Variants in LPCAT1 observed in about 807,000 individuals in gnomAD.
The protein encoded by LPCAT1 is 1-acylglycerol-3-phosphate O-acyltransferase.
Under a neutral mutation model 60.9 loss-of-function variants are expected in LPCAT1, and 23 were observed. That is an observed-to-expected ratio of 0.38 (90% CI 0.27 to 0.53). The LOEUF (loss-of-function observed/expected upper bound fraction) is 0.53. Among genes scored for constraint, LPCAT1 ranks in the 20% least tolerant of loss-of-function variants. The pLI, the probability that LPCAT1 is intolerant of heterozygous loss-of-function variation, is 0.82. For missense variants in LPCAT1, 622 were observed against 723.6 expected, an observed-to-expected ratio of 0.86 and a Z score of 1.61; for synonymous variants, 340 against 301.1, an observed-to-expected ratio of 1.13 and a Z score of -1.34.
chr5:1,498,457 A>G (rs1343906605), intron 2 of LPCAT1, among the ~76,000 whole-genome samples: 3 of 152,166 alleles, frequency 2.0e-5, no homozygotes, highest in Non-Finnish European at 4.4e-5. Context: ...AGTGCCCACA[A>G]GCATCCGTGC....
intron 11 of LPCAT1, among the ~76,000 whole-genome samples, chr5:1,471,188 C>T (rs533040893): frequency 6.6e-5 from 10 of 152,332 alleles, no homozygotes; most frequent in East Asian, 3.9e-4. Flanking sequence ...GCAAAGCACA[C>T]GCGATGCAAT....
At position 1,477,109 on chromosome 5, in the gene LPCAT1, C is replaced by T. The variant is rs117308938; in HGVS notation, c.899+295G>A. Among the ~76,000 whole-genome samples, 546 of 152,328 alleles carry T rather than the reference C, an allele frequency of 3.6e-3. 6 individuals are homozygous for T. Among genetic ancestry groups the T allele is most frequent in the South Asian group, 0.03 (143 of 4,832 alleles). ...GAAGTTGGCCCAGGCCAGCGCCCCG[C>T]TGGCTCATTTAGGGCACAGGAAACA... On this transcript the variant is annotated intron_variant, in intron 9 of 13. Transcript: ENST00000283415. This position sits in a 1 kb window ranked among gnomAD's most constrained non-coding sequence, Gnocchi z 6.0.
rs1271046874 is a variant in LPCAT1, at chr5:1,501,478, G to A, written c.261C>T (p.Pro87=). Residue 87 remains proline (P), a synonymous_variant, in exon 2 of 14, where the codon CCC becomes CCT. Transcript: ENST00000283415. Reference sequence around the variant, plus strand: ...CAACTTACTTCCTCCACAGGGCCGGGGGCTGCTCGGGTTCCTTCTCCGCAG... The same window carrying A: ...CAACTTACTTCCTCCACAGGGCCGGAGGCTGCTCGGGTTCCTTCTCCGCAG... ...LGSAEKEPEQ[P]PALWRKVVDF... 3.1e-6 allele frequency: 5 copies of A among 1,612,874 alleles called. No homozygotes were observed. The highest frequency in any genetic ancestry group is 1.1e-5 in the South Asian group (1 of 91,028).
intron 1 of LPCAT1, among the ~76,000 whole-genome samples, chr5:1,505,509 A>G (rs1736154980): frequency 6.6e-6 from 1 of 152,246 alleles, no homozygotes; most frequent in Non-Finnish European, 1.5e-5. Context: ...CCCATCCCCA[A>G]ACAACACGGG....
At chr5:1,508,397 G>A (rs1175315564) in intron 1 of LPCAT1, among the ~76,000 whole-genome samples, 4 of 152,148 alleles carry the variant, frequency 2.6e-5, no homozygotes, top group African/African-American at 9.7e-5. Flanking sequence ...GAGAGGTGAC[G>A]AAGGTAAAAT....
chr5:1,498,181 C>T (rs552964128), intron 2 of LPCAT1, among the ~76,000 whole-genome samples: 43 of 152,314 alleles, frequency 2.8e-4, no homozygotes, highest in Non-Finnish European at 5.3e-4. Flanking sequence ...AAACCGACTA[C>T]GTAATTATTA....
chr5:1,491,201 T>C (rs1735563788), intron 3 of LPCAT1, among the ~76,000 whole-genome samples: 1 of 100,340 alleles, frequency 1.0e-5, no homozygotes, highest in Non-Finnish European at 2.4e-5. Flanking sequence ...TTCCCAACTC[T>C]GCTAAAAAGG....
At chr5:1,518,502 G>A (rs1022889428) in intron 1 of LPCAT1, among the ~76,000 whole-genome samples, 13 of 152,174 alleles carry the variant, frequency 8.5e-5, no homozygotes, top group South Asian at 4.1e-4. Flanking sequence ...CATGACACCC[G>A]TCTAATTTTT....
chr5:1,475,269 TG>T (rs1325217814), intron 9 of LPCAT1, among the ~76,000 whole-genome samples: 2 of 152,198 alleles, frequency 1.3e-5, no homozygotes, highest in Non-Finnish European at 2.9e-5. Context: ...CATCATCATT[TG>T]GAACAGGAGA....
Position 1,513,838 on chromosome 5 carries a change from C to A in LPCAT1, c.135+9872G>T, listed in dbSNP as rs570032261. Among the ~76,000 whole-genome samples the A allele has an allele frequency of 2.2e-5, 3 of 137,182 alleles. No individual in the cohort carries two copies. The East Asian group carries it at 6.8e-4, about 31-fold the overall frequency. 90.0% of individuals were successfully genotyped at this position (137,182 alleles called of 152,430 possible). A position where few individuals can be genotyped will look rare whatever the true frequency, so the allele number is the denominator to read the frequency against. On this transcript the variant is annotated intron_variant, in intron 1 of 13. Coordinates refer to ENST00000283415, the MANE Select transcript of LPCAT1 (RefSeq NM_024830.5). ...CTCACCGGTGAGGCGGGACACCCTG[C>A]GATTACATTCTCACCCGTGGGGCAG...
In LPCAT1 at chr5:1,505,800, A is replaced by G. The variant is rs1217884835; in HGVS notation, c.136-4197T>C. 2.0e-5 allele frequency among the ~76,000 whole-genome samples: 3 copies of G among 152,266 alleles called. No homozygotes were observed. The East Asian group carries it at 5.8e-4, about 29-fold the overall frequency. On this transcript the variant is annotated intron_variant, in intron 1 of 13. Transcript: ENST00000283415. ...CCTCACCTCACACGTCCATGCATCC[A>G]TGCACCTGCTGCTTCGTGCACGGGG...
rs1311818379 is a variant in LPCAT1, at chr5:1,495,045, C to T, written c.279-131G>A. On this transcript the variant is annotated intron_variant, in intron 2 of 13. Coordinates refer to ENST00000283415, the MANE Select transcript of LPCAT1 (RefSeq NM_024830.5). This position sits in a 1 kb window ranked among gnomAD's most constrained non-coding sequence, Gnocchi z 4.7. ...GCCACGGGCTTCCTGTGGTCGCCGC[C>T]GCTGGGACATCTGCTTGAGGGAAGA... The T allele has an allele frequency of 1.8e-5, 14 of 776,198 alleles. No homozygotes were observed. The highest frequency in any genetic ancestry group is 3.7e-5 in the South Asian group (2 of 54,502). 48.1% of individuals were successfully genotyped at this position (776,198 alleles called of 1,614,324 possible). A position where few individuals can be genotyped will look rare whatever the true frequency, so the allele number is the denominator to read the frequency against.
chr5:1,509,566 G>A (rs1005051258), intron 1 of LPCAT1, among the ~76,000 whole-genome samples: 6 of 152,076 alleles, frequency 3.9e-5, no homozygotes, highest in Non-Finnish European at 7.4e-5. Flanking sequence ...GCCCGCCCTC[G>A]GCATCTGAGA....
intron 3 of LPCAT1, among the ~76,000 whole-genome samples, chr5:1,491,934 G>T (rs1027284097): frequency 6.6e-6 from 1 of 152,228 alleles, no homozygotes; most frequent in Non-Finnish European, 1.5e-5. Context: ...AAGGGTCCAC[G>T]AAAGGAACCA....
intron 12 of LPCAT1, chr5:1,467,132 T>A: frequency 2.6e-6 from 1 of 387,294 alleles, no homozygotes; most frequent in Non-Finnish European, 4.5e-6. Flanking sequence ...GGGCAAGGGC[T>A]CAGACGCTGC....
At chr5:1,519,660 T>C (rs1736611622) in intron 1 of LPCAT1, among the ~76,000 whole-genome samples, 1 of 152,234 alleles carries the variant, frequency 6.6e-6, no homozygotes, top group South Asian at 2.1e-4. Flanking sequence ...CTCTGTGTCC[T>C]CACCTGTGCT....
chr5:1,486,999 T>G (rs530840805), intron 5 of LPCAT1, among the ~76,000 whole-genome samples: 1 of 152,118 alleles, frequency 6.6e-6, no homozygotes, highest in African/African-American at 2.4e-5. Context: ...TGAGAGGTGC[T>G]CACACGCCCT....
chr5:1,492,179 G>A (rs1735610867), intron 3 of LPCAT1, among the ~76,000 whole-genome samples: 1 of 152,144 alleles, frequency 6.6e-6, no homozygotes, highest in Non-Finnish European at 1.5e-5. Context: ...GGAAACCTGG[G>A]AGATGTCTCT....
At chr5:1,473,929 A>C in intron 11 of LPCAT1, 28 bp downstream of exon 11, 1 of 1,597,924 alleles carries the variant, frequency 6.3e-7, no homozygotes, top group Non-Finnish European at 8.6e-7. Context: ...TTTTGCCGAC[A>C]CCCCGCTCCG....
Sources: allele counts gnomAD v4.1 joint callset (sites outside exome capture counted in the v4.1 genomes callset), GRCh38; gene constraint gnomAD v4.1.1; non-coding constraint Gnocchi (gnomAD v3.1); transcripts MANE v1.5; gene names NCBI Gene and HGNC (gene_info 2026-07-23, HGNC 2026-07-21).